The following STAG2 variants were observed in gnomAD, a reference collection of about 807,000 sequenced individuals.
STAG2 encodes cohesin subunit SA-2.
In STAG2, 14 loss-of-function variants were observed where a neutral mutation model predicts 108.1. The ratio of observed to expected loss-of-function variants is 0.13; its 90% CI spans 0.09 to 0.20. STAG2 has a LOEUF of 0.20. STAG2 is among the 10% of genes least tolerant of loss of function. The pLI is 1.00. For synonymous variants in STAG2, 307 were observed against 302.7 expected, an observed-to-expected ratio of 1.01 and a Z score of -0.15; for missense variants, 440 against 940.9, an observed-to-expected ratio of 0.47 and a Z score of 6.96.
At chrX:124,071,570 A>AT (rs2058665723) in intron 25 of STAG2, among the ~76,000 whole-genome samples, 1 of 111,485 alleles carries the variant, frequency 9.0e-6, no homozygotes, top group South Asian at 3.7e-4. Flanking sequence ...CTAATTTCTA[A>AT]CTACCTCATA....
intron 14 of STAG2, 76 bp downstream of exon 14, chrX:124,056,311 T>A: frequency 1.8e-6 from 1 of 568,078 alleles, no homozygotes; most frequent in East Asian, 3.9e-5. Flanking sequence ...TACTTGACAT[T>A]AAGATTATAT....
chrX:123,967,075 G>T (rs2054129399), intron 1 of STAG2, among the ~76,000 whole-genome samples: 1 of 109,260 alleles, frequency 9.2e-6, no homozygotes, highest in East Asian at 2.9e-4. Flanking sequence ...AGTAGAGACA[G>T]AGTTTCACCA....
chrX:123,992,684 A>G lies in STAG2; in HGVS notation c.-162-28683A>G, dbSNP rs5958370. Among the ~76,000 whole-genome samples, 669 of 110,804 alleles carry G rather than the reference A, an allele frequency of 6.0e-3. 5 individuals carry two copies. Among genetic ancestry groups the G allele is most frequent in the African/African-American group, 0.02 (616 of 30,368 alleles). On this transcript the variant is annotated intron_variant, in intron 1 of 34. Coordinates refer to ENST00000371145, the MANE Select transcript of STAG2 (RefSeq NM_001042750.2). ...CTCCCAAGTAGCTGGGACCACAGGCACACACCACCATGTCCAGCTAATTTT... is the reference window on the plus strand; with the variant it reads ...CTCCCAAGTAGCTGGGACCACAGGCGCACACCACCATGTCCAGCTAATTTT...
intron 1 of STAG2, among the ~76,000 whole-genome samples, chrX:123,991,754 T>A (rs770303398): frequency 2.1e-4 from 23 of 107,833 alleles, no homozygotes; most frequent in Admixed American, 2.1e-3. Context: ...AACCTCCGCC[T>A]CCCGGGTTCA....
chrX:123,990,286 T>C (rs112512042), intron 1 of STAG2, among the ~76,000 whole-genome samples: 1,403 of 111,472 alleles, frequency 0.013, 24 homozygotes, highest in African/African-American at 0.043. Context: ...AGCAAGCAAT[T>C]GGGGGCTGAA....
At chrX:124,033,053 G>A (rs2057396249) in intron 5 of STAG2, among the ~76,000 whole-genome samples, 1 of 112,161 alleles carries the variant, frequency 8.9e-6, no homozygotes, top group Admixed American at 9.5e-5. Context: ...AACTTAAAAG[G>A]TGCCAGATTT....
At chrX:124,045,037 G>T in intron 7 of STAG2, 127 bp from the exon 8 acceptor site, 1 of 560,475 alleles carries the variant, frequency 1.8e-6, no homozygotes, top group South Asian at 2.9e-5. Context: ...CTACTTTGAG[G>T]ATTTATTGGA....
chrX:124,091,603 A>G (rs2059252688), intron 32 of STAG2, among the ~76,000 whole-genome samples: 1 of 112,110 alleles, frequency 8.9e-6, no homozygotes, highest in African/African-American at 3.2e-5. Flanking sequence ...GAACAAGCTC[A>G]GGTGTCACTT....
rs746345587 is a variant in STAG2, at chrX:124,063,012, T to C, written c.1731+18T>C. 2.5e-6 allele frequency: 3 copies of C among 1,193,343 alleles called. No individual in the cohort carries two copies. The African/African-American group carries it at 5.3e-5, about 21-fold the overall frequency. ...TAGCAAAAGTAAGTTTGTGTCAATA[T>C]CATAGTGTTACTAAGAAATGAGTTT... On this transcript the variant is annotated intron_variant, in intron 18 of 34. Transcript: ENST00000371145.
At chrX:123,972,489 T>A (rs1301508491) in intron 1 of STAG2, among the ~76,000 whole-genome samples, 1 of 108,591 alleles carries the variant, frequency 9.2e-6, no homozygotes, top group African/African-American at 3.3e-5. Flanking sequence ...GCCAGGATGG[T>A]CTTGATCTCC....
chrX:124,046,847 G>A (rs1414293291), intron 8 of STAG2, among the ~76,000 whole-genome samples: 1 of 111,928 alleles, frequency 8.9e-6, no homozygotes, highest in African/African-American at 3.2e-5. Context: ...AGCAAATACT[G>A]ATAAAATTCC....
intron 1 of STAG2, among the ~76,000 whole-genome samples, chrX:124,003,898 A>G (rs924056554): frequency 2.7e-5 from 3 of 111,715 alleles, no homozygotes; most frequent in African/African-American, 6.5e-5. Context: ...TTAATACACT[A>G]TAGTCATGTG....
chrX:124,041,217 CATT>C (rs777560451), intron 6 of STAG2, among the ~76,000 whole-genome samples: 1 of 101,386 alleles, frequency 9.9e-6, no homozygotes, highest in Non-Finnish European at 1.9e-5. Context: ...TTAAAACAAT[CATT>C]TTTTTTTTTT....
intron 6 of STAG2, among the ~76,000 whole-genome samples, chrX:124,040,601 C>T (rs988764953): frequency 1.8e-5 from 2 of 108,629 alleles, no homozygotes; most frequent in African/African-American, 6.7e-5. Flanking sequence ...GTTTATGAGA[C>T]GGGGAGGAGC....
At chrX:124,025,798 A>G in intron 3 of STAG2, 42 bp from the exon 4 acceptor site, 2 of 992,472 alleles carry the variant, frequency 2.0e-6, no homozygotes, top group Non-Finnish European at 2.7e-6. Flanking sequence ...ACTCAATATA[A>G]ATTTCTAAGG....
chrX:123,978,855 T>C (rs1278095462), intron 1 of STAG2, among the ~76,000 whole-genome samples: 1 of 111,664 alleles, frequency 9.0e-6, no homozygotes, highest in Non-Finnish European at 1.9e-5. Flanking sequence ...TGAAACACTT[T>C]TGGTCCCAAG....
intron 30 of STAG2, among the ~76,000 whole-genome samples, chrX:124,089,940 C>T (rs2059210111): frequency 9.1e-6 from 1 of 109,732 alleles, no homozygotes; most frequent in South Asian, 3.9e-4. Context: ...GCAGGCAGAT[C>T]ATTTGAGGCC....
rs748748394 is a variant in STAG2, at chrX:124,100,554, C to T, written c.3784-20C>T. The stretch of plus-strand genomic sequence containing the variant: ...GAATGACTTTTAACGAGATTTTCTC[C>T]CCTCTCTCTCTCTCATTAGGTTCTT... On this transcript the variant is annotated intron_variant, in intron 34 of 34. Transcript: ENST00000371145. 2 of 1,179,084 alleles carry T rather than the reference C, an allele frequency of 1.7e-6. No individual in the cohort carries two copies. The highest frequency in any genetic ancestry group is 2.4e-4 in the Middle Eastern group (1 of 4,201).
intron 10 of STAG2, among the ~76,000 whole-genome samples, chrX:124,049,813 G>C (rs2057982949): frequency 8.9e-6 from 1 of 111,925 alleles, no homozygotes; most frequent in Non-Finnish European, 1.9e-5. Flanking sequence ...AGTTGAGCTT[G>C]ACCTCAGTGT....
Sources: allele counts gnomAD v4.1 joint callset (sites outside exome capture counted in the v4.1 genomes callset), GRCh38; gene constraint gnomAD v4.1.1; transcripts MANE v1.5; gene names NCBI Gene and HGNC (gene_info 2026-07-23, HGNC 2026-07-21).